The following HEATR5A variants were observed in gnomAD, a reference collection of about 807,000 sequenced individuals.
The protein encoded by HEATR5A is HEAT repeat containing 5A.
HEATR5A carries 178 observed loss-of-function variants against 218.8 expected under a neutral mutation model. The observed-to-expected ratio is 0.81, with a 90% CI of 0.72 to 0.92. HEATR5A has a LOEUF of 0.92. Ranked by LOEUF, HEATR5A falls within the 40% of genes least tolerant of loss-of-function variation. The pLI, the probability that HEATR5A is intolerant of heterozygous loss-of-function variation, is 0.00. For synonymous variants in HEATR5A, 864 were observed against 871.6 expected, an observed-to-expected ratio of 0.99 and a Z score of 0.15; for missense variants, 2,420 against 2,418.9, an observed-to-expected ratio of 1.00 and a Z score of -0.01.
intron 14 of HEATR5A, among the ~76,000 whole-genome samples, chr14:31,361,941 A>AATTAATTT (rs1555369614): frequency 5.4e-5 from 8 of 149,326 alleles, no homozygotes; most frequent in African/African-American, 2.0e-4. Flanking sequence ...TAAAATCAGA[A>AATTAATTT]ATTTATTTAT....
intron 16 of HEATR5A, among the ~76,000 whole-genome samples, chr14:31,353,091 A>G (rs912331138): frequency 6.6e-6 from 1 of 152,116 alleles, no homozygotes; most frequent in Non-Finnish European, 1.5e-5. Context: ...AAAAACTCAG[A>G]AAAGCACATT....
chr14:31,411,674 A>G (rs2031278328), intron 1 of HEATR5A, among the ~76,000 whole-genome samples: 1 of 152,106 alleles, frequency 6.6e-6, no homozygotes. Flanking sequence ...GTGCAGATAG[A>G]GCATTTGATG....
chr14:31,363,132 C>T (rs371226408), intron 14 of HEATR5A, among the ~76,000 whole-genome samples: 5 of 151,334 alleles, frequency 3.3e-5, no homozygotes, highest in South Asian at 2.1e-4. Flanking sequence ...CCAGCTACTC[C>T]GGAGGCTGAG....
chr14:31,403,434 C>T (rs982871068), intron 1 of HEATR5A, among the ~76,000 whole-genome samples: 1 of 152,186 alleles, frequency 6.6e-6, no homozygotes, highest in African/African-American at 2.4e-5. Flanking sequence ...AACATCCAGA[C>T]CTTCTACTAG....
intron 11 of HEATR5A, among the ~76,000 whole-genome samples, chr14:31,376,219 C>T (rs1902222789): frequency 6.6e-6 from 1 of 152,170 alleles, no homozygotes; most frequent in South Asian, 2.1e-4. Flanking sequence ...AGTTTATACA[C>T]AGAAGAGTGC....
rs1899043524 is a variant in HEATR5A, at chr14:31,291,829, T to A, written c.*1476A>T. The A allele has an allele frequency of 6.6e-6, 1 of 152,190 alleles. No individual in the cohort carries two copies. The highest frequency in any genetic ancestry group is 1.5e-5 in the Non-Finnish European group (1 of 68,028). The allele number at this position is 152,190 out of a possible 1,614,324, so 9.4% of individuals were successfully genotyped here. A position where few individuals can be genotyped will look rare whatever the true frequency, so the allele number is the denominator to read the frequency against. On this transcript the variant is annotated 3_prime_UTR_variant, in exon 36 of 36. Coordinates refer to ENST00000543095, the MANE Select transcript of HEATR5A (RefSeq NM_015473.4). ...CTTTATTTATGTAATTTAGAAAAAA[T>A]GATTGTAGTGTTAGAGTTTGTCAAA...
intron 21 of HEATR5A, among the ~76,000 whole-genome samples, chr14:31,339,307 G>A (rs570359651): frequency 3.8e-4 from 57 of 151,306 alleles, no homozygotes; most frequent in African/African-American, 1.3e-3. Context: ...AAAATTAGCT[G>A]GGCGTGGTGG....
At chr14:31,406,426 A>AG (rs2031063116) in intron 1 of HEATR5A, among the ~76,000 whole-genome samples, 1 of 152,248 alleles carries the variant, frequency 6.6e-6, no homozygotes. Flanking sequence ...TAGTCTAAGC[A>AG]GTACTCTAAG....
At chr14:31,376,953 T>A (rs1330066893) in intron 11 of HEATR5A, among the ~76,000 whole-genome samples, 2 of 151,696 alleles carry the variant, frequency 1.3e-5, no homozygotes, top group Non-Finnish European at 2.9e-5. Flanking sequence ...CAAGATCCCA[T>A]CTCTACAAAA....
chr14:31,374,684 C>T, intron 12 of HEATR5A, 132 bp downstream of exon 12: 1 of 758,592 alleles, frequency 1.3e-6, no homozygotes, highest in Non-Finnish European at 2.1e-6. Flanking sequence ...TTTTTTTGTT[C>T]AGTTACAAAA....
chr14:31,373,833 T>G (rs1039356584), intron 12 of HEATR5A, among the ~76,000 whole-genome samples: 1 of 152,080 alleles, frequency 6.6e-6, no homozygotes, highest in African/African-American at 2.4e-5. Flanking sequence ...GTGAGAGAAG[T>G]AGATCAACCC....
In HEATR5A at chr14:31,293,233, T is replaced by C. The variant is rs1278350595; in HGVS notation, c.*72A>G. 1.3e-5 allele frequency: 16 copies of C among 1,200,938 alleles called. No homozygotes were observed. In the East Asian group the frequency reaches 2.8e-4, roughly 21 times the overall value. The allele number at this position is 1,200,938 out of a possible 1,614,324, so 74.4% of individuals were successfully genotyped here. A position where few individuals can be genotyped will look rare whatever the true frequency, so the allele number is the denominator to read the frequency against. On this transcript the variant is annotated 3_prime_UTR_variant, in exon 36 of 36. Coordinates refer to ENST00000543095, the MANE Select transcript of HEATR5A (RefSeq NM_015473.4). ...CCTCTAAGGGCACTTGTGTCTACAA[T>C]GTCCCTTTTGTCACCAAAGGCAATG...
At chr14:31,416,084 G>A (rs2031435318) in intron 1 of HEATR5A, among the ~76,000 whole-genome samples, 1 of 151,924 alleles carries the variant, frequency 6.6e-6, no homozygotes, top group African/African-American at 2.4e-5. Flanking sequence ...CTGAATAGCT[G>A]GGACTCCAGG....
At chr14:31,354,284 GAAGTTATAAAAA>G (rs991036961) in intron 16 of HEATR5A, among the ~76,000 whole-genome samples, 5 of 152,024 alleles carry the variant, frequency 3.3e-5, no homozygotes, top group Non-Finnish European at 5.9e-5. Context: ...TATCGCACTG[GAAGTTATAAAAA>G]TACGTAAGGT....
intron 7 of HEATR5A, 70 bp from the exon 8 acceptor site, chr14:31,387,445 G>T: frequency 9.1e-7 from 1 of 1,103,238 alleles, no homozygotes; most frequent in Non-Finnish European, 1.3e-6. Flanking sequence ...CACAAAACAT[G>T]TAGCATTTAT....
At chr14:31,300,240 C>T (rs1899325934) in intron 33 of HEATR5A, among the ~76,000 whole-genome samples, 1 of 152,038 alleles carries the variant, frequency 6.6e-6, no homozygotes, top group South Asian at 2.1e-4. Context: ...CTATTTAATT[C>T]TCCAAGTTTT....
At position 31,374,555 on chromosome 14, in the gene HEATR5A, A is replaced by C. The variant is rs569953910; in HGVS notation, c.1861+261T>G. Among the ~76,000 whole-genome samples the C allele has an allele frequency of 3.8e-4, 58 of 152,304 alleles. No individual in the cohort carries two copies. In the South Asian group the frequency reaches 0.011, roughly 30 times the overall value. Reference sequence around the variant, plus strand: ...AAAGAGGAATGAATGCTCACCTAAGACAAAACAATGTTGGCAGTTTTAACT... The same window carrying C: ...AAAGAGGAATGAATGCTCACCTAAGCCAAAACAATGTTGGCAGTTTTAACT... On this transcript the variant is annotated intron_variant, in intron 12 of 35. Transcript: ENST00000543095.
chr14:31,369,608 CAAAAAAAAAAAAAAAAAA>C (rs71430951), intron 13 of HEATR5A, among the ~76,000 whole-genome samples: 1 of 45,148 alleles, frequency 2.2e-5, no homozygotes, highest in Non-Finnish European at 3.6e-5. Context: ...AAAACTGTCT[CAAAAAAAAAAAAAAAAAA>C]AAAAAAAAAA....
chr14:31,326,567 A>G (rs1900273234), intron 22 of HEATR5A, among the ~76,000 whole-genome samples: 1 of 152,222 alleles, frequency 6.6e-6, no homozygotes, highest in Admixed American at 6.5e-5. Context: ...GAAAAAAAGT[A>G]TTCATATGTT....
Sources: gnomAD v4.1 joint callset for allele counts (sites outside exome capture counted in the v4.1 genomes callset) on GRCh38, gnomAD v4.1.1 for gene constraint, MANE v1.5 for transcripts, NCBI Gene and HGNC (gene_info 2026-07-23, HGNC 2026-07-21) for gene names.